RCSD1: variants seen among roughly 807,000 people sequenced by gnomAD.
RCSD1 encodes the protein RCSD domain containing 1, also known as capZ-interacting protein.
A neutral mutation model predicts 42.5 loss-of-function variants in RCSD1; 26 were observed. That is an observed-to-expected ratio of 0.61 (90% confidence interval 0.45 to 0.85). The LOEUF is 0.85. Ranked by LOEUF, RCSD1 falls within the 40% of genes least tolerant of loss-of-function variation. RCSD1 has a pLI of 0.00. For synonymous variants in RCSD1, 220 were observed against 212.2 expected (o/e 1.04, Z -0.32); for missense variants, 571 against 528.3 (o/e 1.08, Z -0.79).
At chr1:167,703,977 A>G (rs1659700451) in intron 6 of RCSD1, among the ~76,000 whole-genome samples, 1 of 152,022 alleles carries the variant, frequency 6.6e-6, no homozygotes, top group Admixed American at 6.6e-5. Flanking sequence ...AGTATAATCC[A>G]CTAGGATGGT....
intron 1 of RCSD1, among the ~76,000 whole-genome samples, chr1:167,646,391 A>C (rs1658145665): frequency 6.6e-6 from 1 of 151,736 alleles, no homozygotes; most frequent in African/African-American, 2.4e-5. Flanking sequence ...CAGGAAGACT[A>C]AGGACAGTGA....
chr1:167,652,807 T>C (rs980904747), intron 1 of RCSD1, among the ~76,000 whole-genome samples: 2 of 152,236 alleles, frequency 1.3e-5, no homozygotes, highest in Non-Finnish European at 2.9e-5. Flanking sequence ...TGTTTTATTA[T>C]GCTCCAGAAT....
chr1:167,698,410 A>G (rs1267126643), intron 6 of RCSD1, among the ~76,000 whole-genome samples: 1 of 152,190 alleles, frequency 6.6e-6, no homozygotes, highest in African/African-American at 2.4e-5. Context: ...CCAAGGTAGT[A>G]TTTGAGTTGG....
At chr1:167,690,348 C>T (rs1376784010) in intron 4 of RCSD1, among the ~76,000 whole-genome samples, 3 of 152,078 alleles carry the variant, frequency 2.0e-5, no homozygotes, top group Non-Finnish European at 4.4e-5. Flanking sequence ...ATGTATTTGA[C>T]ATTTAGTGGT....
intron 1 of RCSD1, among the ~76,000 whole-genome samples, chr1:167,647,848 T>C (rs1231231266): frequency 6.6e-6 from 1 of 152,226 alleles, no homozygotes; most frequent in Non-Finnish European, 1.5e-5. Context: ...TGTTTTAAAA[T>C]ACTAATTTGC....
intron 5 of RCSD1, among the ~76,000 whole-genome samples, chr1:167,695,474 T>A (rs781780092): frequency 6.6e-6 from 1 of 152,138 alleles, no homozygotes; most frequent in Non-Finnish European, 1.5e-5. Flanking sequence ...GAACTAGGAT[T>A]GACAAATACC....
At chr1:167,690,702 T>C (rs893309384) in intron 4 of RCSD1, among the ~76,000 whole-genome samples, 1 of 152,030 alleles carries the variant, frequency 6.6e-6, no homozygotes, top group African/African-American at 2.4e-5. Context: ...AAAAGAGTCT[T>C]ACGGGAAAGG....
At chr1:167,654,769 C>T (rs1413915180) in intron 1 of RCSD1, among the ~76,000 whole-genome samples, 1 of 152,126 alleles carries the variant, frequency 6.6e-6, no homozygotes, top group African/African-American at 2.4e-5. Flanking sequence ...AATCTCTTCC[C>T]ACAGTCGAGA....
intron 1 of RCSD1, among the ~76,000 whole-genome samples, chr1:167,671,121 C>T (rs1658796904): frequency 6.6e-6 from 1 of 152,188 alleles, no homozygotes; most frequent in African/African-American, 2.4e-5. Context: ...TCTGATGAAT[C>T]CCTAGCGCCT....
At chr1:167,674,630 C>A (rs1274106813) in intron 1 of RCSD1, among the ~76,000 whole-genome samples, 2 of 152,218 alleles carry the variant, frequency 1.3e-5, no homozygotes, top group African/African-American at 4.8e-5. Context: ...CACCCCACCT[C>A]CTGTCTTCCT....
In RCSD1 at chr1:167,690,056, C is replaced by T; in HGVS notation, c.206C>T (p.Pro69Leu). The T allele has an allele frequency of 1.2e-6, 2 of 1,614,118 alleles. No homozygotes were observed. Among genetic ancestry groups the T allele is most frequent in the Non-Finnish European group, 1.7e-6 (2 of 1,180,008 alleles). The change falls in exon 4 of 7, where the codon CCA (proline) becomes CTA (leucine). Residue 69 changes from proline (P) to leucine (L), a missense_variant. Physicochemically the swap from Pro to Leu is moderately conservative, Grantham distance 98. Coordinates refer to ENST00000367854, the MANE Select transcript of RCSD1 (RefSeq NM_052862.4). ...GGTTGATTTGCTCCATAGAAATCAC[C>T]ACCCAATGCGAGCCACCCTCCTAAA... Reference protein sequence around the residue: ...DLGQNGEEKSPPNASHPPKFK... With the variant: ...DLGQNGEEKSLPNASHPPKFK...
Position 167,683,978 on chromosome 1 carries a change from G to A in RCSD1, c.85G>A (p.Glu29Lys). 2.5e-6 allele frequency: 4 copies of A among 1,613,928 alleles called. No homozygotes were observed. The South Asian group carries it at 3.3e-5, about 13-fold the overall frequency. Reference protein sequence around the residue: ...SVAQLAGRFREQAAAAKETPA... With the variant: ...SVAQLAGRFRKQAAAAKETPA... ...GGCCCAGCTGGCCGGGCGGTTTAGG[G>A]AGCAGGCGGCTGCAGCCAAGGAGGT... The change falls in exon 2 of 7, where the codon GAG becomes AAG. Residue 29 changes from glutamate (E) to lysine (K), a missense_variant. Physicochemically the swap from Glu to Lys is moderately conservative, Grantham distance 56 (BLOSUM62 1). Coordinates refer to ENST00000367854, the MANE Select transcript of RCSD1 (RefSeq NM_052862.4).
chr1:167,689,493 A>AAG (rs1553251390), intron 3 of RCSD1, among the ~76,000 whole-genome samples: 28 of 137,074 alleles, frequency 2.0e-4, no homozygotes, highest in African/African-American at 7.5e-4. Context: ...AAAAAAAAAA[A>AAG]AAAAGAAAAG....
At chr1:167,642,924 C>A (rs1308095492) in intron 1 of RCSD1, among the ~76,000 whole-genome samples, 1 of 152,168 alleles carries the variant, frequency 6.6e-6, no homozygotes, top group Non-Finnish European at 1.5e-5. Flanking sequence ...AACAGACAGC[C>A]CTCTGCTCCC....
rs549954625 is a variant in RCSD1 at position 167,708,276 on chromosome 1, A to T, written c.*3580A>T. Reference sequence around the variant, plus strand: ...GAAATCAGGGTGCTGTTACCAAAAGAAGCTATGCTGGCAGGCAAAAAACAA... The same window carrying T: ...GAAATCAGGGTGCTGTTACCAAAAGTAGCTATGCTGGCAGGCAAAAAACAA... On this transcript the variant is annotated 3_prime_UTR_variant, in exon 7 of 7. Coordinates refer to ENST00000367854, the MANE Select transcript of RCSD1 (RefSeq NM_052862.4). 3.5e-4 allele frequency among the ~76,000 whole-genome samples: 54 copies of T among 152,324 alleles called. No individual in the cohort carries two copies. Among genetic ancestry groups the T allele is most frequent in the Non-Finnish European group, 6.5e-4 (44 of 68,024 alleles).
chr1:167,634,897 C>T (rs1657797382), intron 1 of RCSD1, among the ~76,000 whole-genome samples: 2 of 151,896 alleles, frequency 1.3e-5, no homozygotes, highest in South Asian at 2.1e-4. Context: ...ATGGAGCTCT[C>T]ATGTCTTTAC....
intron 6 of RCSD1, among the ~76,000 whole-genome samples, chr1:167,701,539 C>T (rs1659647029): frequency 2.0e-5 from 3 of 152,034 alleles, no homozygotes; most frequent in Non-Finnish European, 4.4e-5. Context: ...CTCCTGACCT[C>T]AAGTGATCTG....
intron 1 of RCSD1, among the ~76,000 whole-genome samples, chr1:167,644,030 G>A (rs933414034): frequency 6.6e-6 from 1 of 152,106 alleles, no homozygotes; most frequent in Admixed American, 6.6e-5. Context: ...GTAGGAGGCT[G>A]GGTCTTGGGG....
At chr1:167,670,990 A>T (rs924352247) in intron 1 of RCSD1, among the ~76,000 whole-genome samples, 1 of 152,200 alleles carries the variant, frequency 6.6e-6, no homozygotes, top group Non-Finnish European at 1.5e-5. Context: ...GCCATCCTTA[A>T]GATCTCTACT....
Sources: gnomAD v4.1 joint callset for allele counts (sites outside exome capture counted in the v4.1 genomes callset) on GRCh38, gnomAD v4.1.1 for gene constraint, MANE v1.5 for transcripts, NCBI Gene and HGNC (gene_info 2026-07-23, HGNC 2026-07-21) for gene names.